Variants in ZFP30 observed in about 807,000 individuals in gnomAD.
The protein encoded by ZFP30 is ZFP30 zinc finger protein.
ZFP30 carries 16 observed loss-of-function variants against 12.3 expected under a neutral mutation model. The ratio of observed to expected loss-of-function variants is 1.30; its 90% CI spans 0.88 to 1.98. The LOEUF (loss-of-function observed/expected upper bound fraction) is 1.98. ZFP30 is among the 30% of genes most tolerant of loss of function. The pLI is 0.00. For synonymous variants in ZFP30, 172 were observed against 201.0 expected (o/e 0.86, Z 1.22); for missense variants, 560 against 611.2 (o/e 0.92, Z 0.88).
intron 2 of ZFP30, chr19:37,651,329 C>G (rs1031581949): frequency 1.3e-5 from 2 of 152,036 alleles, no homozygotes; most frequent in African/African-American, 4.8e-5. Flanking sequence ...GTAATCCCAG[C>G]ATTTTGGGAG....
At chr19:37,655,227 T>A (rs1362505990) in intron 1 of ZFP30, 193 bp downstream of exon 1, 2 of 152,240 alleles carry the variant, frequency 1.3e-5, no homozygotes, top group Non-Finnish European at 2.9e-5. Context: ...TCCGGCACAG[T>A]TACTACCGCC....
chr19:37,650,879 A>G (rs1441364874), intron 2 of ZFP30, among the ~76,000 whole-genome samples: 1 of 151,952 alleles, frequency 6.6e-6, no homozygotes, highest in African/African-American at 2.4e-5. Flanking sequence ...CTGGGATTAC[A>G]GGCACACACC....
Position 37,631,728 on chromosome 19 carries a change from T to A in ZFP30, c.*3253A>T, listed in dbSNP as rs1482105088. The A allele has an allele frequency of 6.6e-6, 1 of 150,642 alleles. No homozygotes were observed. The highest frequency in any genetic ancestry group is 1.5e-5 in the Non-Finnish European group (1 of 67,764). 9.3% of individuals were successfully genotyped at this position (150,642 alleles called of 1,614,324 possible). A position where few individuals can be genotyped will look rare whatever the true frequency, so the allele number is the denominator to read the frequency against. The stretch of plus-strand genomic sequence containing the variant: ...CAATAAGCATGAATTGAGATGATAC[T>A]GGGCCAGAATCGTATCTCTTTTACT... On this transcript the variant is annotated 3_prime_UTR_variant, in exon 6 of 6. Transcript: ENST00000684514.
intron 3 of ZFP30, 117 bp from the exon 4 acceptor site, chr19:37,644,853 C>G: frequency 9.7e-7 from 1 of 1,034,102 alleles, no homozygotes; most frequent in Non-Finnish European, 1.4e-6. Context: ...GAGCCTGAAG[C>G]AGGAGGACTG....
chr19:37,652,365 G>A (rs1473996486), intron 2 of ZFP30, among the ~76,000 whole-genome samples: 1 of 151,774 alleles, frequency 6.6e-6, no homozygotes, highest in Admixed American at 6.6e-5. Flanking sequence ...TCAGGAGTTC[G>A]AGACCAGCTT....
At chr19:37,650,123 CA>C (rs1380647671) in intron 2 of ZFP30, among the ~76,000 whole-genome samples, 1 of 150,966 alleles carries the variant, frequency 6.6e-6, no homozygotes, top group Non-Finnish European at 1.5e-5. Flanking sequence ...GGAATCTTTA[CA>C]TTTTTTTTTT....
At chr19:37,655,469 G>A (rs2044739638), upstream of ZFP30, 1 of 152,418 alleles carries the variant, frequency 6.6e-6, no homozygotes, top group African/African-American at 2.4e-5. Context: ...CCAGAATACG[G>A]GAGAGCGCCT....
chr19:37,635,085 T>G lies in ZFP30; in HGVS notation c.1456A>C (p.Arg486=). 6.2e-7 allele frequency: 1 copy of G among 1,613,574 alleles called. No homozygotes were observed. The highest frequency in any genetic ancestry group is 2.2e-5 in the East Asian group (1 of 44,872). The change falls in exon 6 of 6, where the codon AGA becomes CGA. Residue 486 remains arginine, a synonymous_variant. Coordinates refer to ENST00000684514, the MANE Select transcript of ZFP30 (RefSeq NM_001320669.3). ...TATGGTTTCTCACCAGAATGAATTC[T>G]CTGATGTTGAATCAGTGATGAATGA... ...RLHSSLIQHQ[R]IHSGEKPYKC...
At chr19:37,643,142 C>G (rs2044471831) in intron 5 of ZFP30, 123 bp downstream of exon 5, 1 of 626,926 alleles carries the variant, frequency 1.6e-6, no homozygotes, top group Non-Finnish European at 2.7e-6. Flanking sequence ...CTGAGAAGAT[C>G]TAAATTTTCT....
In ZFP30 at chr19:37,643,252, G is replaced by T. The variant is rs754696249; in HGVS notation, c.235+13C>A. ...ATGCCATAATGGCTGACCTCTGCCT[G>T]ATCAGCACTTACCTAGAGTCCATCT... On this transcript the variant is annotated intron_variant, in intron 5 of 5. Coordinates refer to ENST00000684514, the MANE Select transcript of ZFP30 (RefSeq NM_001320669.3). The T allele has an allele frequency of 1.2e-5, 19 of 1,607,664 alleles. No individual in the cohort carries two copies. In the Admixed American group the frequency reaches 3.2e-4, roughly 27 times the overall value.
chr19:37,642,370 G>A (rs2044452800), intron 5 of ZFP30, among the ~76,000 whole-genome samples: 1 of 152,078 alleles, frequency 6.6e-6, no homozygotes, highest in Admixed American at 6.5e-5. Context: ...TTTATGCATT[G>A]CAATACACTG....
chr19:37,635,296 A>G lies in ZFP30; in HGVS notation c.1245T>C (p.Cys415=). The G allele has an allele frequency of 6.2e-7, 1 of 1,614,124 alleles. No individual in the cohort carries two copies. The highest frequency in any genetic ancestry group is 1.7e-4 in the Middle Eastern group (1 of 6,060). ...GTGAGAACAGCCTAAATGCCTTCCC[A>G]CATTCCTTACATTCATAAGGTTTCT... The part of the protein sequence containing the change: ...IGEKPYECKE[C]GKAFRLFSQL... The change falls in exon 6 of 6, where the codon TGT becomes TGC. Residue 415 remains cysteine (C), a synonymous_variant. Coordinates refer to ENST00000684514, the MANE Select transcript of ZFP30 (RefSeq NM_001320669.3).
chr19:37,635,327 A>C lies in ZFP30; in HGVS notation c.1214T>G (p.Ile405Ser), dbSNP rs774439611. Residue 405 changes from isoleucine (I) to serine (S), a missense_variant, in exon 6 of 6, where the codon ATT (isoleucine) becomes AGT (serine). Coordinates refer to ENST00000684514, the MANE Select transcript of ZFP30 (RefSeq NM_001320669.3). Reference sequence around the variant, plus strand: ...CTTACATTCATAAGGTTTCTCTCCAATGTGAATACCCTGATGTGAAATAAG... The same window carrying C: ...CTTACATTCATAAGGTTTCTCTCCACTGTGAATACCCTGATGTGAAATAAG... Reference protein sequence around the residue: ...SELISHQGIHIGEKPYECKEC... With the variant: ...SELISHQGIHSGEKPYECKEC... The C allele has an allele frequency of 6.2e-7, 1 of 1,612,824 alleles. No individual in the cohort carries two copies. Among genetic ancestry groups the C allele is most frequent in the Non-Finnish European group, 8.5e-7 (1 of 1,179,532 alleles).
intron 5 of ZFP30, among the ~76,000 whole-genome samples, chr19:37,639,984 A>G: frequency 6.6e-6 from 1 of 152,226 alleles, no homozygotes; most frequent in Non-Finnish European, 1.5e-5. Context: ...AAGTTTGCCT[A>G]TTACAGTTCT....
At chr19:37,641,316 C>T (rs2044430466) in intron 5 of ZFP30, among the ~76,000 whole-genome samples, 3 of 152,154 alleles carry the variant, frequency 2.0e-5, no homozygotes, top group Admixed American at 6.5e-5. Flanking sequence ...AAATATATTC[C>T]TTGTACTCTT....
intron 5 of ZFP30, among the ~76,000 whole-genome samples, chr19:37,642,383 G>A (rs2044453167): frequency 6.6e-6 from 1 of 152,130 alleles, no homozygotes; most frequent in African/African-American, 2.4e-5. Context: ...ATACACTGCA[G>A]TCATTATATG....
At chr19:37,647,745 C>A (rs2044570917) in intron 3 of ZFP30, 69 bp downstream of exon 3, 1 of 1,591,876 alleles carries the variant, frequency 6.3e-7, no homozygotes, top group South Asian at 1.1e-5. Flanking sequence ...TGCAGAATAA[C>A]AAATGAGAAT....
rs79606856 is a variant in ZFP30, at chr19:37,643,697, G to A, written c.137-334C>T. 6.8e-3 allele frequency among the ~76,000 whole-genome samples: 1,042 copies of A among 152,216 alleles called. 7 individuals carry two copies. The highest frequency in any genetic ancestry group is 0.011 in the Non-Finnish European group (774 of 68,008). Reference sequence around the variant, plus strand: ...TATATATAGCATTGTTGTGAGATTCGATTTAATGTAAGTGTTTAGATGAGT... The same window carrying A: ...TATATATAGCATTGTTGTGAGATTCAATTTAATGTAAGTGTTTAGATGAGT... On this transcript the variant is annotated intron_variant, in intron 4 of 5. Transcript: ENST00000684514.
intron 4 of ZFP30, 92 bp downstream of exon 4, chr19:37,644,518 G>T: frequency 7.3e-7 from 1 of 1,375,452 alleles, no homozygotes; most frequent in Non-Finnish European, 9.6e-7. Context: ...TGGTGACTCA[G>T]CGAGACTTCG....
Sources: allele counts gnomAD v4.1 joint callset (sites outside exome capture counted in the v4.1 genomes callset), GRCh38; gene constraint gnomAD v4.1.1; transcripts MANE v1.5; gene names NCBI Gene and HGNC (gene_info 2026-07-23, HGNC 2026-07-21).